The following GPC6 variants were observed in gnomAD, a reference collection of about 807,000 sequenced individuals.
The protein encoded by GPC6 is glypican-6.
Under a neutral mutation model 55.2 loss-of-function variants are expected in GPC6, and 14 were observed. That is an observed-to-expected ratio of 0.25 (90% CI 0.17 to 0.40). GPC6 has a LOEUF of 0.40. Ranked by LOEUF, GPC6 falls within the 10% of genes least tolerant of loss-of-function variation. The probability of loss-of-function intolerance (pLI) is 1.00; values close to 1 mark genes in which losing one functional copy is unlikely to be tolerated. For missense variants in GPC6, 641 were observed against 708.5 expected (o/e 0.90, Z 1.08); for synonymous variants, 278 against 259.6 (o/e 1.07, Z -0.68).
intron 4 of GPC6, among the ~76,000 whole-genome samples, chr13:94,200,593 A>C (rs1594051057): frequency 6.6e-6 from 1 of 152,174 alleles, no homozygotes; most frequent in Admixed American, 6.6e-5. Flanking sequence ...ATTCAAATAA[A>C]AGTGTGATGG....
chr13:93,912,672 G>A (rs953207880), intron 3 of GPC6, among the ~76,000 whole-genome samples: 4 of 152,162 alleles, frequency 2.6e-5, no homozygotes, highest in South Asian at 2.1e-4. Flanking sequence ...GAACCCAGGA[G>A]GCAGAGCTTG....
intron 2 of GPC6, among the ~76,000 whole-genome samples, chr13:93,765,309 A>AGATAAGCTGTCTGGAAATTCAAC (rs1287047496): frequency 3.6e-5 from 1 of 27,502 alleles, no homozygotes; most frequent in African/African-American, 1.6e-4. Context: ...AAGACAACTT[A>AGATAAGCTGTCTGGAAATTCAAC]TTTGGTTTAA....
intron 2 of GPC6, among the ~76,000 whole-genome samples, chr13:93,646,165 C>A (rs1880160939): frequency 6.6e-6 from 1 of 152,108 alleles, no homozygotes; most frequent in Non-Finnish European, 1.5e-5. Flanking sequence ...ATATTATCTG[C>A]AGTCATATCA....
chr13:93,511,085 G>A, intron 1 of GPC6, among the ~76,000 whole-genome samples: 1 of 145,068 alleles, frequency 6.9e-6, no homozygotes. Flanking sequence ...TGAATATTCT[G>A]GATGTTAGTC....
At chr13:94,363,242 A>C (rs1218977323) in intron 6 of GPC6, among the ~76,000 whole-genome samples, 3 of 152,218 alleles carry the variant, frequency 2.0e-5, no homozygotes. Context: ...GATGATTATT[A>C]AACTTCAGTA....
chr13:93,492,033 A>G (rs2139358311), intron 1 of GPC6, among the ~76,000 whole-genome samples: 1 of 141,750 alleles, frequency 7.1e-6, no homozygotes, highest in South Asian at 2.3e-4. Flanking sequence ...TGAACTTTAA[A>G]GTAGTTTTTT....
At chr13:94,238,477 A>G (rs2139022250) in intron 4 of GPC6, among the ~76,000 whole-genome samples, 1 of 152,212 alleles carries the variant, frequency 6.6e-6, no homozygotes, top group South Asian at 2.1e-4. Flanking sequence ...TATTAGATAG[A>G]AGGGCACAGT....
chr13:94,219,426 A>G (rs1312111802), intron 4 of GPC6, among the ~76,000 whole-genome samples: 1 of 152,160 alleles, frequency 6.6e-6, no homozygotes, highest in African/African-American at 2.4e-5. Context: ...TTTACACCCA[A>G]CTTTTCCCCA....
At chr13:94,193,414 C>G (rs1214371080) in intron 4 of GPC6, among the ~76,000 whole-genome samples, 7 of 152,128 alleles carry the variant, frequency 4.6e-5, no homozygotes, top group African/African-American at 7.2e-5. Context: ...GAGGGGGCCG[C>G]CATTCCTGAC....
chr13:94,298,599 A>G (rs538532212), intron 5 of GPC6, among the ~76,000 whole-genome samples: 16 of 152,364 alleles, frequency 1.1e-4, no homozygotes, highest in Middle Eastern at 3.4e-3. Flanking sequence ...CAGGAAGCCA[A>G]TCTAACTATT....
intron 2 of GPC6, among the ~76,000 whole-genome samples, chr13:93,620,104 A>G (rs774161242): frequency 9.9e-5 from 15 of 152,260 alleles, no homozygotes; most frequent in Non-Finnish European, 1.8e-4. Context: ...TTGACGTAGA[A>G]TCTCATACAT....
In GPC6 at chr13:93,833,107, T is replaced by TAGAGAGAG. The variant is rs367949345; in HGVS notation, c.711+2606_711+2613dup. On this transcript the variant is annotated intron_variant, in intron 3 of 8. Coordinates refer to ENST00000377047, the MANE Select transcript of GPC6 (RefSeq NM_005708.5). ...GATGGATGGGTAGATAGGTAGATGA[T>TAGAGAGAG]AGAGAGAGAGAGAGAGAGAGAGAGA... is the stretch of plus-strand genomic sequence containing the variant. Among the ~76,000 whole-genome samples the TAGAGAGAG allele has an allele frequency of 8.1e-3, 880 of 108,998 alleles. 24 individuals are homozygous for TAGAGAGAG. The highest frequency in any genetic ancestry group is 0.023 in the Admixed American group (229 of 10,112). 71.5% of individuals were successfully genotyped at this position (108,998 alleles called of 152,430 possible).
intron 3 of GPC6, among the ~76,000 whole-genome samples, chr13:93,966,651 A>ATTTTTTTTTT (rs59591951): frequency 8.4e-6 from 1 of 118,828 alleles, no homozygotes; most frequent in Non-Finnish European, 1.6e-5. Flanking sequence ...TGTTTCCTTC[A>ATTTTTTTTTT]TTTTTTTTTT....
chr13:93,615,515 C>G (rs879939764), intron 2 of GPC6, among the ~76,000 whole-genome samples: 1 of 152,136 alleles, frequency 6.6e-6, no homozygotes, highest in Non-Finnish European at 1.5e-5. Context: ...TTTGTCCTAC[C>G]TATTCAGTTG....
chr13:93,399,881 C>A (rs1876005918), intron 1 of GPC6, among the ~76,000 whole-genome samples: 1 of 152,194 alleles, frequency 6.6e-6, no homozygotes, highest in Admixed American at 6.5e-5. Flanking sequence ...GTTCTACAAG[C>A]TTCTTTTAGC....
intron 2 of GPC6, among the ~76,000 whole-genome samples, chr13:93,668,062 T>C (rs901652676): frequency 2.0e-5 from 3 of 152,216 alleles, no homozygotes. Context: ...TTTGTTCTTA[T>C]GATTTTGCCA....
chr13:93,373,669 A>T (rs1594126806), intron 1 of GPC6, among the ~76,000 whole-genome samples: 1 of 152,212 alleles, frequency 6.6e-6, no homozygotes, highest in African/African-American at 2.4e-5. Flanking sequence ...TGCAAAAATC[A>T]ATGCCTGCAA....
chr13:94,165,275 C>CATAT lies in GPC6; in HGVS notation c.878-121060_878-121057dup, dbSNP rs144165319. Among the ~76,000 whole-genome samples the CATAT allele has an allele frequency of 1.8e-3, 259 of 143,234 alleles. 2 individuals carry two copies. The highest frequency in any genetic ancestry group is 4.1e-3 in the African/African-American group (160 of 39,046). 94.0% of individuals were successfully genotyped at this position (143,234 alleles called of 152,430 possible). The stretch of plus-strand genomic sequence containing the variant: ...ATATATGTATACATATATATATACA[C>CATAT]ATATATATATATATATACATAATGG... On this transcript the variant is annotated intron_variant, in intron 4 of 8. Transcript: ENST00000377047.
intron 2 of GPC6, among the ~76,000 whole-genome samples, chr13:93,613,055 T>A (rs1878554195): frequency 6.6e-6 from 1 of 152,208 alleles, no homozygotes; most frequent in Non-Finnish European, 1.5e-5. Context: ...AACTCTCACT[T>A]GCTATGTGAC....
Sources: allele counts gnomAD v4.1 joint callset (sites outside exome capture counted in the v4.1 genomes callset), GRCh38; gene constraint gnomAD v4.1.1; transcripts MANE v1.5; gene names NCBI Gene and HGNC (gene_info 2026-07-23, HGNC 2026-07-21).